Variants in DENND2B observed in about 807,000 individuals in gnomAD.
The protein encoded by DENND2B is DENN domain containing 2B, also known as DENN domain-containing protein 2B.
Under a neutral mutation model 116.0 loss-of-function variants are expected in DENND2B, and 32 were observed. The observed-to-expected ratio is 0.28, with a 90% CI of 0.21 to 0.37. DENND2B has a LOEUF of 0.37. Ranked by LOEUF, DENND2B falls within the 10% of genes least tolerant of loss-of-function variation. The probability of loss-of-function intolerance (pLI) is 1.00; values close to 1 mark genes in which losing one functional copy is unlikely to be tolerated. For missense variants in DENND2B, 1,276 were observed against 1,477.7 expected (o/e 0.86, Z 2.24); for synonymous variants, 588 against 583.9 (o/e 1.01, Z -0.10).
chr11:8,743,326 G>T (rs1033991421), intron 2 of DENND2B, among the ~76,000 whole-genome samples: 12 of 151,902 alleles, frequency 7.9e-5, no homozygotes, highest in Non-Finnish European at 4.4e-5. Flanking sequence ...GAGGCGGGTG[G>T]ATCACCTGAG....
At chr11:8,694,262 T>C in intron 19 of DENND2B, 132 bp from the exon 20 acceptor site, 1 of 1,074,904 alleles carries the variant, frequency 9.3e-7, no homozygotes, top group Non-Finnish European at 1.4e-6. Flanking sequence ...AACTGTGATC[T>C]GATCCAGGGT....
At chr11:8,904,446 G>A (rs1450419258) in intron 1 of DENND2B, among the ~76,000 whole-genome samples, 2 of 152,054 alleles carry the variant, frequency 1.3e-5, no homozygotes, top group Non-Finnish European at 2.9e-5. Flanking sequence ...CTAATAAAGA[G>A]TATCTACAAA....
At chr11:8,901,105 A>G (rs544935835) in intron 1 of DENND2B, among the ~76,000 whole-genome samples, 2 of 148,986 alleles carry the variant, frequency 1.3e-5, no homozygotes, top group East Asian at 2.0e-4. Context: ...ATTTTTCTCT[A>G]TTTTTCTACT....
intron 4 of DENND2B, among the ~76,000 whole-genome samples, chr11:8,723,552 A>C (rs1006506653): frequency 1.3e-5 from 2 of 152,064 alleles, no homozygotes; most frequent in African/African-American, 4.8e-5. Context: ...ACTTTCTTCC[A>C]CTCTGGGATG....
At chr11:8,718,246 C>T (rs1038069881) in intron 4 of DENND2B, 138 of 1,049,268 alleles carry the variant, frequency 1.3e-4, no homozygotes, top group Non-Finnish European at 1.8e-4. Flanking sequence ...TCCTTGGCTC[C>T]CTTCCCTCTG....
intron 3 of DENND2B, chr11:8,857,249 A>G (rs1417687421): frequency 2.0e-5 from 3 of 152,232 alleles, no homozygotes; most frequent in African/African-American, 7.2e-5. Context: ...ATATTGCCTG[A>G]TAATTTCATG....
chr11:8,870,204 A>T (rs1449983525), intron 2 of DENND2B, among the ~76,000 whole-genome samples: 1 of 152,218 alleles, frequency 6.6e-6, no homozygotes, highest in Non-Finnish European at 1.5e-5. Context: ...CTTAATGAAG[A>T]AGTTATTTTA....
intron 1 of DENND2B, among the ~76,000 whole-genome samples, chr11:8,906,236 C>T (rs1226251476): frequency 7.7e-6 from 1 of 130,648 alleles, no homozygotes; most frequent in East Asian, 2.3e-4. Context: ...GATGGAGTCT[C>T]GCTCTGTCAC....
In DENND2B at chr11:8,876,974, G is replaced by A. The variant is rs928190023; in HGVS notation, c.-156+4036C>T. Among the ~76,000 whole-genome samples, 3 of 89,290 alleles carry A rather than the reference G, an allele frequency of 3.4e-5. No individual in the cohort carries two copies. The Admixed American group carries it at 3.8e-4, about 11-fold the overall frequency. 58.6% of individuals were successfully genotyped at this position (89,290 alleles called of 152,430 possible). A position where few individuals can be genotyped will look rare whatever the true frequency, so the allele number is the denominator to read the frequency against. Reference sequence around the variant, plus strand: ...GGCTGGATCTGAGAGTAAATGAGAGGAGATGTCAGGTGGCCTTTAGACGGA... The same window carrying A: ...GGCTGGATCTGAGAGTAAATGAGAGAAGATGTCAGGTGGCCTTTAGACGGA... On this transcript the variant is annotated intron_variant, in intron 2 of 22. Transcript: ENST00000534127.
At chr11:8,828,125 G>A (rs2062048373) in intron 4 of DENND2B, among the ~76,000 whole-genome samples, 1 of 152,178 alleles carries the variant, frequency 6.6e-6, no homozygotes, top group South Asian at 2.1e-4. Flanking sequence ...TTACTACCTT[G>A]AGAACCTCTT....
At chr11:8,821,275 C>A (rs111510919) in intron 4 of DENND2B, among the ~76,000 whole-genome samples, 6,793 of 151,482 alleles carry the variant, frequency 0.045, 225 homozygotes, top group African/African-American at 0.092. Context: ...TCTTTTTGTA[C>A]CTTTTGAATT....
chr11:8,768,575 T>C (rs540798239), intron 1 of DENND2B, among the ~76,000 whole-genome samples: 63 of 152,284 alleles, frequency 4.1e-4, no homozygotes, highest in South Asian at 8.3e-4. Flanking sequence ...GTTTGTAAAC[T>C]GGTCAGGAAA....
intron 1 of DENND2B, among the ~76,000 whole-genome samples, chr11:8,803,645 G>A (rs909706631): frequency 6.6e-6 from 1 of 152,306 alleles, no homozygotes; most frequent in Non-Finnish European, 1.5e-5. Context: ...GCATATTTGT[G>A]TCTACAACTA....
intron 1 of DENND2B, among the ~76,000 whole-genome samples, chr11:8,756,535 G>A (rs578077511): frequency 1.5e-4 from 23 of 152,292 alleles, no homozygotes; most frequent in Non-Finnish European, 2.9e-4. Flanking sequence ...TCACAGGGGC[G>A]CACTAGGTTA....
At chr11:8,879,505 G>A (rs969323060) in intron 2 of DENND2B, among the ~76,000 whole-genome samples, 1 of 152,198 alleles carries the variant, frequency 6.6e-6, no homozygotes, top group East Asian at 1.9e-4. Flanking sequence ...AGGATGTGGA[G>A]AGACAATATT....
chr11:8,821,406 T>A (rs1428680222), intron 4 of DENND2B, among the ~76,000 whole-genome samples: 1 of 148,692 alleles, frequency 6.7e-6, no homozygotes, highest in Non-Finnish European at 1.5e-5. Flanking sequence ...CTGGGCAACA[T>A]AGAGACCTTG....
intron 19 of DENND2B, 35 bp from the exon 20 acceptor site, chr11:8,694,165 T>C: frequency 6.2e-7 from 1 of 1,613,714 alleles, no homozygotes; most frequent in Non-Finnish European, 8.5e-7. Context: ...GAATGTTCAG[T>C]GTTATCCCTT....
At chr11:8,841,868 C>A (rs1302538332) in intron 3 of DENND2B, among the ~76,000 whole-genome samples, 1 of 152,188 alleles carries the variant, frequency 6.6e-6, no homozygotes, top group East Asian at 1.9e-4. Flanking sequence ...AACCATCATT[C>A]TTCCTCTCCC....
chr11:8,765,768 T>TA (rs1377958317), intron 1 of DENND2B, among the ~76,000 whole-genome samples: 2 of 152,190 alleles, frequency 1.3e-5, no homozygotes, highest in Admixed American at 6.5e-5. Flanking sequence ...CCAGGCACAG[T>TA]GGCTCACCCC....
Sources: gnomAD v4.1 joint callset for allele counts (sites outside exome capture counted in the v4.1 genomes callset) on GRCh38, gnomAD v4.1.1 for gene constraint, MANE v1.5 for transcripts, NCBI Gene and HGNC (gene_info 2026-07-23, HGNC 2026-07-21) for gene names.